The following DNAH11 variants were observed in gnomAD, a reference collection of about 807,000 sequenced individuals.
DNAH11 encodes the protein dynein axonemal heavy chain 11.
DNAH11 carries 442 observed loss-of-function variants against 526.0 expected under a neutral mutation model. The ratio of observed to expected loss-of-function variants is 0.84; its 90% CI spans 0.78 to 0.91. The LOEUF (loss-of-function observed/expected upper bound fraction) is 0.91, where lower values mean the gene tolerates loss of function less well. DNAH11 is among the 40% of genes least tolerant of loss of function. The pLI is 0.00. For missense variants in DNAH11, 6,989 were observed against 5,448.7 expected (o/e 1.28, Z -8.90); for synonymous variants, 2,461 against 1,935.9 (o/e 1.27, Z -7.12).
chr7:21,612,275 G>C (rs1785553118), intron 20 of DNAH11, among the ~76,000 whole-genome samples: 1 of 152,026 alleles, frequency 6.6e-6, no homozygotes, highest in South Asian at 2.1e-4. Flanking sequence ...GACTAAGAAG[G>C]CTGGGCATGG....
intron 5 of DNAH11, 59 bp downstream of exon 5, chr7:21,561,229 C>A: frequency 7.8e-7 from 1 of 1,287,136 alleles, no homozygotes; most frequent in Non-Finnish European, 1.1e-6. Context: ...GATCCAGCCC[C>A]TGCCTGCTCG....
At chr7:21,871,302 C>T (rs1783486623) in intron 73 of DNAH11, among the ~76,000 whole-genome samples, 1 of 152,176 alleles carries the variant, frequency 6.6e-6, no homozygotes, top group Non-Finnish European at 1.5e-5. Flanking sequence ...TCATGCATTT[C>T]CAAGACATAT....
chr7:21,634,330 A>C (rs1454748819), intron 25 of DNAH11, among the ~76,000 whole-genome samples: 2 of 152,204 alleles, frequency 1.3e-5, no homozygotes, highest in Middle Eastern at 3.2e-3. Flanking sequence ...AGAGCATTGG[A>C]AAAGACTGAA....
chr7:21,543,775 C>T (rs1350691972), intron 1 of DNAH11, 179 bp downstream of exon 1: 2 of 632,840 alleles, frequency 3.2e-6, no homozygotes, highest in Non-Finnish European at 5.4e-6. Context: ...CTCTGCAGTT[C>T]AGCAGCTGCA....
Position 21,901,413 on chromosome 7 carries a change from T to A in DNAH11, c.*159T>A. ...TAGAGTGAAAGTCAGAAAAAAATAC[T>A]AGAAACTAACTCAGGGCTGAGCGTG... On this transcript the variant is annotated 3_prime_UTR_variant, in exon 82 of 82. Coordinates refer to ENST00000409508, the MANE Select transcript of DNAH11 (RefSeq NM_001277115.2). 1 of 1,074,390 alleles carries A rather than the reference T, an allele frequency of 9.3e-7. No homozygotes were observed. The highest frequency in any genetic ancestry group is 1.2e-6 in the Non-Finnish European group (1 of 810,220). 66.6% of individuals were successfully genotyped at this position (1,074,390 alleles called of 1,614,324 possible). A position where few individuals can be genotyped will look rare whatever the true frequency, so the allele number is the denominator to read the frequency against.
intron 73 of DNAH11, among the ~76,000 whole-genome samples, chr7:21,869,306 G>C (rs1340283681): frequency 2.0e-5 from 3 of 152,182 alleles, no homozygotes; most frequent in Admixed American, 6.5e-5. Flanking sequence ...GGCTTGTTTA[G>C]ATTGCTAACA....
intron 65 of DNAH11, among the ~76,000 whole-genome samples, chr7:21,836,017 A>G (rs1223666176): frequency 1.3e-5 from 2 of 152,094 alleles, no homozygotes; most frequent in Non-Finnish European, 2.9e-5. Flanking sequence ...CTACCAAATA[A>G]ATAAAAAACC....
rs56029521 is a variant in DNAH11, at chr7:21,620,027, T to C, written c.4449T>C (p.Ile1483=). The C allele has an allele frequency of 0.41, 656,350 of 1,604,984 alleles. 137,604 individuals carry two copies. The highest frequency in any genetic ancestry group is 0.67 in the East Asian group (29,994 of 44,536). The change falls in exon 25 of 82, where the codon ATT becomes ATC. Residue 1483 remains isoleucine, a synonymous_variant. Coordinates refer to ENST00000409508, the MANE Select transcript of DNAH11 (RefSeq NM_001277115.2). ...ACGAAGTTCACTATCGAACAGGCAT[T>C]CCATTACTAAAGTCTGATGAACAAC... ...FSYEVHYRTG[I]PLLKSDEQLF...
At chr7:21,769,376 C>T (rs1787323560) in intron 55 of DNAH11, among the ~76,000 whole-genome samples, 1 of 151,202 alleles carries the variant, frequency 6.6e-6, no homozygotes. Context: ...AGTTTTGTGG[C>T]TTTTCTCTAG....
chr7:21,807,962 G>C lies in DNAH11; in HGVS notation c.10245G>C (p.Ala3415=). The C allele has an allele frequency of 6.2e-7, 1 of 1,608,188 alleles. No individual in the cohort carries two copies. The highest frequency in any genetic ancestry group is 1.3e-5 in the African/African-American group (1 of 74,980). The change falls in exon 63 of 82, where the codon GCG becomes GCC. Residue 3415 remains alanine, a synonymous_variant. Transcript: ENST00000409508. ...TCTGTGGAGATGTTCTTCTCACGGC[G>C]GCATTTGTGTCTTACGTCGGACCCT... ...KTLCGDVLLT[A]AFVSYVGPFT... is the part of the protein sequence containing the mutation.
rs1484104041 is a variant in DNAH11, at chr7:21,778,985, T to C, written c.9364T>C (p.Ser3122Pro). The C allele has an allele frequency of 4.6e-5, 74 of 1,613,156 alleles. 1 individual carries two copies. The highest frequency in any genetic ancestry group is 6.0e-5 in the Non-Finnish European group (71 of 1,179,512). Reference sequence around the variant, plus strand: ...GGGAGATCTAAAAGCCAGACTTGCCTCTCAAGAAGCCGAGCTGCAACTGAG... The same window carrying C: ...GGGAGATCTAAAAGCCAGACTTGCCCCTCAAGAAGCCGAGCTGCAACTGAG... ...QVGDLKARLA[S>P]QEAELQLRNH... The change falls in exon 57 of 82, where the codon TCT becomes CCT. Residue 3122 changes from serine (S) to proline (P), a missense_variant. Physicochemically the swap from Ser to Pro is moderately conservative, Grantham distance 74 (BLOSUM62 -1). Coordinates refer to ENST00000409508, the MANE Select transcript of DNAH11 (RefSeq NM_001277115.2).
intron 79 of DNAH11, among the ~76,000 whole-genome samples, chr7:21,898,591 C>G (rs1562611198): frequency 6.6e-6 from 1 of 152,178 alleles, no homozygotes; most frequent in Non-Finnish European, 1.5e-5. Context: ...CTTTAAGCAG[C>G]CTCTGAAACT....
intron 65 of DNAH11, among the ~76,000 whole-genome samples, chr7:21,825,477 C>T (rs549413966): frequency 6.6e-6 from 1 of 152,276 alleles, no homozygotes; most frequent in African/African-American, 2.4e-5. Context: ...TACATGCTCA[C>T]TAGTAGTATA....
At chr7:21,684,909 C>G (rs1358468813) in intron 32 of DNAH11, among the ~76,000 whole-genome samples, 1 of 152,208 alleles carries the variant, frequency 6.6e-6, no homozygotes, top group Admixed American at 6.5e-5. Context: ...AAGCAGAAAT[C>G]ACACCTCAAG....
chr7:21,765,234 G>T (rs60175069), intron 54 of DNAH11, among the ~76,000 whole-genome samples, 194 bp from the exon 55 acceptor site: 4 of 150,928 alleles, frequency 2.7e-5, no homozygotes, highest in African/African-American at 9.7e-5. Flanking sequence ...TCTGTGTCCA[G>T]TGGAGCAGCC....
In DNAH11 at chr7:21,613,453, T is replaced by C. The variant is rs541659035; in HGVS notation, c.3853-1661T>C. ...TATATCCTTTTATGTGTATAAAATG[T>C]TTCATAATAAAACATTTTAAAACTA... On this transcript the variant is annotated intron_variant, in intron 20 of 81. Coordinates refer to ENST00000409508, the MANE Select transcript of DNAH11 (RefSeq NM_001277115.2). Among the ~76,000 whole-genome samples, 7 of 152,288 alleles carry C rather than the reference T, an allele frequency of 4.6e-5. No individual in the cohort carries two copies. In the East Asian group the frequency reaches 1.4e-3, roughly 29 times the overall value.
At chr7:21,831,884 A>T (rs1205866696) in intron 65 of DNAH11, among the ~76,000 whole-genome samples, 1 of 152,150 alleles carries the variant, frequency 6.6e-6, no homozygotes, top group Non-Finnish European at 1.5e-5. Context: ...TGAGGTCAGG[A>T]TTTGAGACCA....
At chr7:21,563,429 G>A (rs865993113) in intron 5 of DNAH11, among the ~76,000 whole-genome samples, 4 of 152,000 alleles carry the variant, frequency 2.6e-5, no homozygotes, top group African/African-American at 9.7e-5. Context: ...GGCTGGTTTC[G>A]AATTCCTAGA....
chr7:21,867,782 G>A, intron 71 of DNAH11, 77 bp from the exon 72 acceptor site: 1 of 1,417,348 alleles, frequency 7.1e-7, no homozygotes, highest in African/African-American at 1.4e-5. Flanking sequence ...TGCCTGTGTG[G>A]TTTAAGCTTA....
Sources: gnomAD v4.1 joint callset for allele counts (sites outside exome capture counted in the v4.1 genomes callset) on GRCh38, gnomAD v4.1.1 for gene constraint, MANE v1.5 for transcripts, NCBI Gene and HGNC (gene_info 2026-07-23, HGNC 2026-07-21) for gene names.